IMMP2L: variants seen among roughly 807,000 people sequenced by gnomAD.
The protein encoded by IMMP2L is inner mitochondrial membrane peptidase subunit 2.
In IMMP2L, 18 loss-of-function variants were observed where a neutral mutation model predicts 19.3. The observed-to-expected ratio is 0.93, with a 90% CI of 0.64 to 1.38. The LOEUF (loss-of-function observed/expected upper bound fraction) is 1.38. Ranked by LOEUF, IMMP2L falls within the 40% of genes most tolerant of loss-of-function variation. The pLI, the probability that IMMP2L is intolerant of heterozygous loss-of-function variation, is 0.00. For missense variants in IMMP2L, 233 were observed against 218.2 expected, an observed-to-expected ratio of 1.07 and a Z score of -0.43; for synonymous variants, 76 against 73.0, an observed-to-expected ratio of 1.04 and a Z score of -0.21.
chr7:111,350,599 T>C (rs1243024044), intron 3 of IMMP2L, among the ~76,000 whole-genome samples: 1 of 152,028 alleles, frequency 6.6e-6, no homozygotes, highest in East Asian at 1.9e-4. Context: ...ATAGCCACAA[T>C]AGCAGCTTTT....
At chr7:110,837,550 A>C (rs1163992203) in intron 5 of IMMP2L, among the ~76,000 whole-genome samples, 2 of 152,104 alleles carry the variant, frequency 1.3e-5, no homozygotes, top group East Asian at 3.9e-4. Flanking sequence ...AGATGAAGTT[A>C]TTATTAAATT....
chr7:111,368,954 G>A (rs1830036110), intron 3 of IMMP2L, among the ~76,000 whole-genome samples: 1 of 151,768 alleles, frequency 6.6e-6, no homozygotes, highest in African/African-American at 2.4e-5. Flanking sequence ...AAAATGGTTT[G>A]AACTTCAAGT....
At chr7:110,770,584 G>C (rs1798968207) in intron 5 of IMMP2L, among the ~76,000 whole-genome samples, 1 of 152,180 alleles carries the variant, frequency 6.6e-6, no homozygotes, top group South Asian at 2.1e-4. Flanking sequence ...TTTCATGGCA[G>C]TTGATGTTCC....
At chr7:111,224,729 T>A (rs1785075551) in intron 3 of IMMP2L, among the ~76,000 whole-genome samples, 1 of 152,068 alleles carries the variant, frequency 6.6e-6, no homozygotes, top group South Asian at 2.1e-4. Context: ...ATTTACCCTT[T>A]TTGATATGTT....
chr7:111,238,176 A>G (rs2129627871), intron 3 of IMMP2L, among the ~76,000 whole-genome samples: 1 of 152,184 alleles, frequency 6.6e-6, no homozygotes, highest in Non-Finnish European at 1.5e-5. Context: ...CCAAGTAAGG[A>G]CACATAAAGT....
intron 3 of IMMP2L, among the ~76,000 whole-genome samples, chr7:111,469,034 G>A (rs1489542761): frequency 6.6e-6 from 1 of 152,036 alleles, no homozygotes; most frequent in Non-Finnish European, 1.5e-5. Flanking sequence ...AATCAGGTAG[G>A]CAAGAAGTTA....
chr7:111,317,414 T>C (rs942352785), intron 3 of IMMP2L, among the ~76,000 whole-genome samples: 6 of 152,144 alleles, frequency 3.9e-5, no homozygotes, highest in Admixed American at 1.3e-4. Flanking sequence ...GCAAGATTTA[T>C]ATATTAAGAT....
intron 3 of IMMP2L, among the ~76,000 whole-genome samples, chr7:111,110,204 A>G (rs1484436920): frequency 6.6e-6 from 1 of 152,196 alleles, no homozygotes; most frequent in Non-Finnish European, 1.5e-5. Flanking sequence ...CAAAGATCCT[A>G]TCTGTTCATG....
intron 3 of IMMP2L, among the ~76,000 whole-genome samples, chr7:111,140,071 C>T (rs1031354440): frequency 1.3e-5 from 2 of 151,878 alleles, no homozygotes; most frequent in Non-Finnish European, 2.9e-5. Flanking sequence ...AGAAGAGAGA[C>T]TCAAATTAAG....
At chr7:111,337,656 G>A (rs1826579543) in intron 3 of IMMP2L, among the ~76,000 whole-genome samples, 1 of 152,120 alleles carries the variant, frequency 6.6e-6, no homozygotes, top group African/African-American at 2.4e-5. Context: ...GAGAAACTAA[G>A]TACCATACAT....
intron 3 of IMMP2L, among the ~76,000 whole-genome samples, chr7:111,014,757 G>C (rs1246661427): frequency 6.6e-6 from 1 of 152,032 alleles, no homozygotes; most frequent in Non-Finnish European, 1.5e-5. Flanking sequence ...CTAAAAATTG[G>C]CAAAGGACTT....
chr7:111,262,092 C>G (rs909601187), intron 3 of IMMP2L, among the ~76,000 whole-genome samples: 1 of 152,036 alleles, frequency 6.6e-6, no homozygotes, highest in African/African-American at 2.4e-5. Context: ...TCAATAAATA[C>G]ACAGTAGAAC....
intron 1 of IMMP2L, chr7:111,532,401 T>C (rs994805452): frequency 2.6e-5 from 4 of 152,202 alleles, no homozygotes; most frequent in Non-Finnish European, 4.4e-5. Flanking sequence ...ACATGGTTTC[T>C]GGGTCTCATG....
At chr7:111,524,687 G>C (rs1029931457) in intron 1 of IMMP2L, among the ~76,000 whole-genome samples, 1 of 151,968 alleles carries the variant, frequency 6.6e-6, no homozygotes, top group Admixed American at 6.6e-5. Flanking sequence ...TGAAAACAGG[G>C]GAAAAGTTAG....
chr7:111,319,037 A>G (rs1255857493), intron 3 of IMMP2L, among the ~76,000 whole-genome samples: 4 of 152,128 alleles, frequency 2.6e-5, no homozygotes, highest in Non-Finnish European at 5.9e-5. Flanking sequence ...TCCCTGTCCT[A>G]CCATCCTGGT....
chr7:111,431,539 C>T (rs1369449081), intron 3 of IMMP2L, among the ~76,000 whole-genome samples: 2 of 151,816 alleles, frequency 1.3e-5, no homozygotes, highest in Admixed American at 1.3e-4. Flanking sequence ...TTCCAGCCAA[C>T]TTTATCTTCA....
chr7:110,733,312 C>T (rs1051918361), intron 5 of IMMP2L, among the ~76,000 whole-genome samples: 1 of 152,112 alleles, frequency 6.6e-6, no homozygotes, highest in Non-Finnish European at 1.5e-5. Flanking sequence ...AGAATTTATG[C>T]AGTAAGATGG....
chr7:111,258,065 A>G (rs897033217), intron 3 of IMMP2L, among the ~76,000 whole-genome samples: 3 of 152,096 alleles, frequency 2.0e-5, no homozygotes, highest in African/African-American at 4.8e-5. Context: ...TTGATTTAAT[A>G]ATTAAGCAAG....
intron 3 of IMMP2L, among the ~76,000 whole-genome samples, chr7:111,446,525 A>G (rs1222340813): frequency 6.6e-6 from 1 of 151,282 alleles, no homozygotes; most frequent in Non-Finnish European, 1.5e-5. Context: ...ACTAACAAAC[A>G]GAAAGGACAT....
Sources: gnomAD v4.1 joint callset for allele counts (sites outside exome capture counted in the v4.1 genomes callset) on GRCh38, gnomAD v4.1.1 for gene constraint, MANE v1.5 for transcripts, NCBI Gene and HGNC (gene_info 2026-07-23, HGNC 2026-07-21) for gene names.